Variants in GPRIN2 observed in about 807,000 individuals in gnomAD.
GPRIN2 encodes G protein-regulated inducer of neurite outgrowth 2.
A neutral mutation model predicts 0.3 loss-of-function variants in GPRIN2; 1 was observed. The ratio of observed to expected loss-of-function variants is 3.90; its 90% CI spans 1.39 to 18.51. The LOEUF (loss-of-function observed/expected upper bound fraction) is 18.51, where lower values mean the gene tolerates loss of function less well. Among genes scored for constraint, GPRIN2 ranks in the 30% most tolerant of loss-of-function variants. GPRIN2 has a pLI of 0.11. For missense variants in GPRIN2, 880 were observed against 604.2 expected, an observed-to-expected ratio of 1.46 and a Z score of -4.79; for synonymous variants, 361 against 258.6, an observed-to-expected ratio of 1.40 and a Z score of -3.80.
In GPRIN2 at chr10:46,541,738, C is replaced by T. The variant is rs1833084264; in HGVS notation, c.*7622G>A. On this transcript the variant is annotated 3_prime_UTR_variant, in exon 3 of 3. Coordinates refer to ENST00000374314, the MANE Select transcript of GPRIN2 (RefSeq NM_001385282.1). The stretch of plus-strand genomic sequence containing the variant: ...AAATTTAAGGCAACACTAAGTGATT[C>T]GGTAACCAAGATAAATCATATTTTA... Among the ~76,000 whole-genome samples, 3 of 152,304 alleles carry T rather than the reference C, an allele frequency of 2.0e-5. No homozygotes were observed. Among genetic ancestry groups the T allele is most frequent in the Admixed American group, 1.3e-4 (2 of 15,292 alleles).
rs1255039776 is a variant in GPRIN2 at position 46,544,717 on chromosome 10, C to G, written c.*4643G>C. Among the ~76,000 whole-genome samples, 1 of 152,310 alleles carries G rather than the reference C, an allele frequency of 6.6e-6. No homozygotes were observed. Among genetic ancestry groups the G allele is most frequent in the Non-Finnish European group, 1.5e-5 (1 of 68,058 alleles). On this transcript the variant is annotated 3_prime_UTR_variant, in exon 3 of 3. Transcript: ENST00000374314. The stretch of plus-strand genomic sequence containing the variant: ...AAAGTTGAGAAAGGGAAGTGGCCAC[C>G]ACAGAACCAGTTCTGCTGAGAACGA...
rs1832402731 is a variant in GPRIN2 at position 46,550,342 on chromosome 10, C to T, written c.395G>A (p.Gly132Glu). The T allele has an allele frequency of 1.9e-6, 3 of 1,612,934 alleles. No individual in the cohort carries two copies. Among genetic ancestry groups the T allele is most frequent in the Non-Finnish European group, 1.7e-6 (2 of 1,179,954 alleles). Reference protein sequence around the residue: ...SDLVRSTQMRGHSGARKASLS... With the variant: ...SDLVRSTQMREHSGARKASLS... ...ACTGGCCTTCCGAGCACCACTGTGT[C>T]CCCGCATCTGGGTGCTACGGACCAG... Residue 132 changes from glycine (G) to glutamate (E), a missense_variant, in exon 3 of 3, where the codon GGA becomes GAA. Coordinates refer to ENST00000374314, the MANE Select transcript of GPRIN2 (RefSeq NM_001385282.1).
rs1357186572 is a variant in GPRIN2, at chr10:46,541,990, T to A, written c.*7370A>T. Among the ~76,000 whole-genome samples the A allele has an allele frequency of 6.6e-6, 1 of 152,242 alleles. No individual in the cohort carries two copies. The highest frequency in any genetic ancestry group is 1.9e-4 in the East Asian group (1 of 5,200). ...TCTTCACAAGAAGCCCTTGCCCATC[T>A]CCCTGAATACCCCCAACTCTGAAGA... On this transcript the variant is annotated 3_prime_UTR_variant, in exon 3 of 3. Coordinates refer to ENST00000374314, the MANE Select transcript of GPRIN2 (RefSeq NM_001385282.1).
At chr10:46,554,921 A>T (rs1283737707) in intron 1 of GPRIN2, among the ~76,000 whole-genome samples, 1 of 152,310 alleles carries the variant, frequency 6.6e-6, no homozygotes, top group Non-Finnish European at 1.5e-5. Context: ...ACACTGTGGC[A>T]TCCATCTAAG....
At position 46,545,112 on chromosome 10, in the gene GPRIN2, G is replaced by A. The variant is rs963697441; in HGVS notation, c.*4248C>T. On this transcript the variant is annotated 3_prime_UTR_variant, in exon 3 of 3. Coordinates refer to ENST00000374314, the MANE Select transcript of GPRIN2 (RefSeq NM_001385282.1). The stretch of plus-strand genomic sequence containing the variant: ...TTGGCGTGAACAAAACTGAGACAGA[G>A]CAATGCATGGAGAAAAGGGTTGGGC... 1.3e-5 allele frequency among the ~76,000 whole-genome samples: 2 copies of A among 152,312 alleles called. No individual in the cohort carries two copies. Among genetic ancestry groups the A allele is most frequent in the Non-Finnish European group, 2.9e-5 (2 of 68,058 alleles).
In GPRIN2 at chr10:46,550,655, G is replaced by A; in HGVS notation, c.82C>T (p.Leu28=). ...LQPLSQSSSS[L]LGEGREQRPE... is the part of the protein sequence containing the mutation. ...CTCTGTTCCCGGCCTTCACCCAGCA[G>A]GCTGGAAGAGCTCTGGGACAGGGGC... is the stretch of plus-strand genomic sequence containing the variant. The change falls in exon 3 of 3, where the codon CTG becomes TTG. Residue 28 remains leucine (L), a synonymous_variant. Coordinates refer to ENST00000374314, the MANE Select transcript of GPRIN2 (RefSeq NM_001385282.1). 1 of 1,552,272 alleles carries A rather than the reference G, an allele frequency of 6.4e-7. No individual in the cohort carries two copies.
chr10:46,552,861 T>C (rs932926955), intron 2 of GPRIN2, among the ~76,000 whole-genome samples: 1 of 152,304 alleles, frequency 6.6e-6, no homozygotes, highest in Non-Finnish European at 1.5e-5. Flanking sequence ...GCCAGACTTG[T>C]CCCTGGGAGG....
At chr10:46,555,680 A>C (rs1222802452) in intron 1 of GPRIN2, 1 of 153,684 alleles carries the variant, frequency 6.5e-6, no homozygotes, top group African/African-American at 2.4e-5. Flanking sequence ...GCTCACCAGG[A>C]AGAGGCCTAG....
At chr10:46,551,527 C>G (rs1684700930) in intron 2 of GPRIN2, 1 of 981,174 alleles carries the variant, frequency 1.0e-6, no homozygotes, top group South Asian at 4.7e-5. Context: ...ACTGCGTGCC[C>G]AGCTGTAGGG....
chr10:46,550,162 C>G lies in GPRIN2; in HGVS notation c.575G>C (p.Ser192Thr), dbSNP rs1832463105. The change falls in exon 3 of 3, where the codon AGT becomes ACT. Residue 192 changes from serine (S) to threonine (T), a missense_variant. Coordinates refer to ENST00000374314, the MANE Select transcript of GPRIN2 (RefSeq NM_001385282.1). The part of the protein sequence containing the change: ...TSNSAWMLGA[S>T]QLSVPPLDLG... ...GTCTAGTGGTGGCACTGACAACTGA[C>G]TCGCCCCCAGCATCCAGGCTGAGTT... 9 of 1,599,520 alleles carry G rather than the reference C, an allele frequency of 5.6e-6. No homozygotes were observed. Among genetic ancestry groups the G allele is most frequent in the Non-Finnish European group, 6.8e-6 (8 of 1,172,362 alleles).
rs1841853213 is a variant in GPRIN2, at chr10:46,542,735, T to C, written c.*6625A>G. Among the ~76,000 whole-genome samples the C allele has an allele frequency of 6.6e-6, 1 of 152,306 alleles. No individual in the cohort carries two copies. Among genetic ancestry groups the C allele is most frequent in the Non-Finnish European group, 1.5e-5 (1 of 68,056 alleles). ...AATCTCCTCCTCCAGTCCCTAGCCT[T>C]GGCTCTTGGACACGAATCCAGTTCC... On this transcript the variant is annotated 3_prime_UTR_variant, in exon 3 of 3. Coordinates refer to ENST00000374314, the MANE Select transcript of GPRIN2 (RefSeq NM_001385282.1).
At position 46,550,505 on chromosome 10, in the gene GPRIN2, A is replaced by G; in HGVS notation, c.232T>C (p.Ser78Pro). ...GCACTGGGTCGCGCCTTGGGGCCAGAGGCCCGTGCTGGCTTCATGCTCTCA... is the reference window on the plus strand; with the variant it reads ...GCACTGGGTCGCGCCTTGGGGCCAGGGGCCCGTGCTGGCTTCATGCTCTCA... ...PPESMKPARA[S>P]GPKARPSAGG... The change falls in exon 3 of 3, where the codon TCT (serine) becomes CCT (proline). Residue 78 changes from serine to proline, a missense_variant. By Grantham distance (74) the Ser-to-Pro change is moderately conservative (BLOSUM62 -1). Coordinates refer to ENST00000374314, the MANE Select transcript of GPRIN2 (RefSeq NM_001385282.1). 2 of 1,605,986 alleles carry G rather than the reference A, an allele frequency of 1.2e-6. No homozygotes were observed. The highest frequency in any genetic ancestry group is 1.7e-6 in the Non-Finnish European group (2 of 1,175,282).
intron 2 of GPRIN2, chr10:46,551,427 G>A: frequency 2.0e-6 from 2 of 985,536 alleles, no homozygotes; most frequent in Non-Finnish European, 2.4e-6. Context: ...TCTAGCTCCA[G>A]GGGCAAGGAG....
At position 46,542,977 on chromosome 10, in the gene GPRIN2, G is replaced by A. The variant is rs1409442255; in HGVS notation, c.*6383C>T. ...ACAAGGGCCACCAAAAGTTAGGACT[G>A]ATGGGGTGCCCTTCCAGCCCGACCA... On this transcript the variant is annotated 3_prime_UTR_variant, in exon 3 of 3. Coordinates refer to ENST00000374314, the MANE Select transcript of GPRIN2 (RefSeq NM_001385282.1). Among the ~76,000 whole-genome samples the A allele has an allele frequency of 6.6e-6, 1 of 152,310 alleles. No homozygotes were observed. Among genetic ancestry groups the A allele is most frequent in the Non-Finnish European group, 1.5e-5 (1 of 68,056 alleles).
rs1187681068 is a variant in GPRIN2 at position 46,546,170 on chromosome 10, T to C, written c.*3190A>G. ...AGACCAGCTCTACTCTATGAGTTTC[T>C]TGTGACAGTGATGGCAGCCTGGGGC... is the stretch of plus-strand genomic sequence containing the variant. On this transcript the variant is annotated 3_prime_UTR_variant, in exon 3 of 3. Coordinates refer to ENST00000374314, the MANE Select transcript of GPRIN2 (RefSeq NM_001385282.1). Among the ~76,000 whole-genome samples, 1 of 152,304 alleles carries C rather than the reference T, an allele frequency of 6.6e-6. No individual in the cohort carries two copies. Among genetic ancestry groups the C allele is most frequent in the South Asian group, 2.1e-4 (1 of 4,838 alleles).
Position 46,542,972 on chromosome 10 carries a change from G to A in GPRIN2, c.*6388C>T, listed in dbSNP as rs1352417291. On this transcript the variant is annotated 3_prime_UTR_variant, in exon 3 of 3. Transcript: ENST00000374314. Reference sequence around the variant, plus strand: ...CACCAACAAGGGCCACCAAAAGTTAGGACTGATGGGGTGCCCTTCCAGCCC... The same window carrying A: ...CACCAACAAGGGCCACCAAAAGTTAAGACTGATGGGGTGCCCTTCCAGCCC... 1.3e-5 allele frequency among the ~76,000 whole-genome samples: 2 copies of A among 152,302 alleles called. No homozygotes were observed. The highest frequency in any genetic ancestry group is 2.9e-5 in the Non-Finnish European group (2 of 68,056).
rs1454021543 is a variant in GPRIN2, at chr10:46,545,603, G to A, written c.*3757C>T. Among the ~76,000 whole-genome samples, 1 of 152,310 alleles carries A rather than the reference G, an allele frequency of 6.6e-6. No homozygotes were observed. The highest frequency in any genetic ancestry group is 1.5e-5 in the Non-Finnish European group (1 of 68,058). On this transcript the variant is annotated 3_prime_UTR_variant, in exon 3 of 3. Coordinates refer to ENST00000374314, the MANE Select transcript of GPRIN2 (RefSeq NM_001385282.1). ...CCCCAGCCAGAGGGCCAAGTCCCAG[G>A]CAGGGTGCAAAGCTGTGGGGCGAGG...
rs1842456797 is a variant in GPRIN2 at position 46,549,717 on chromosome 10, G to A, written c.1020C>T (p.Ala340=). 1 of 1,614,080 alleles carries A rather than the reference G, an allele frequency of 6.2e-7. No individual in the cohort carries two copies. The highest frequency in any genetic ancestry group is 8.5e-7 in the Non-Finnish European group (1 of 1,179,950). The change falls in exon 3 of 3, where the codon GCC becomes GCT. Residue 340 remains alanine, a synonymous_variant. Transcript: ENST00000374314. ...LSAQDAGVQA[A]PVAACKAVAT... ...CCACAGCCTTGCAGGCCGCCACTGG[G>A]GCCGCCTGCACACCAGCATCCTGGG...
At chr10:46,557,579 A>G (rs956208165), upstream of GPRIN2, among the ~76,000 whole-genome samples, 15 of 152,306 alleles carry the variant, frequency 9.8e-5, no homozygotes, top group Non-Finnish European at 2.2e-4. Context: ...CTTCTCCGCA[A>G]TTCCCCGCAG....
Sources: allele counts gnomAD v4.1 joint callset (sites outside exome capture counted in the v4.1 genomes callset), GRCh38; gene constraint gnomAD v4.1.1; transcripts MANE v1.5; gene names NCBI Gene and HGNC (gene_info 2026-07-23, HGNC 2026-07-21).